The following GIPR variants were observed in gnomAD, a reference collection of about 807,000 sequenced individuals.
The protein encoded by GIPR is GIP-R.
A neutral mutation model predicts 62.2 loss-of-function variants in GIPR; 74 were observed. That is an observed-to-expected ratio of 1.19 (90% CI 0.99 to 1.44). GIPR has a LOEUF of 1.44. GIPR is among the 40% of genes most tolerant of loss of function. The pLI is 0.00. For synonymous variants in GIPR, 256 were observed against 262.2 expected, an observed-to-expected ratio of 0.98 and a Z score of 0.23; for missense variants, 664 against 611.8, an observed-to-expected ratio of 1.09 and a Z score of -0.90.
At chr19:45,671,203 A>G in intron 3 of GIPR, 82 bp from the exon 4 acceptor site, 1 of 822,952 alleles carries the variant, frequency 1.2e-6, no homozygotes, top group Non-Finnish European at 2.1e-6. Flanking sequence ...ACTGCGGAGA[A>G]GCACTTGGCC....
Position 45,683,058 on chromosome 19 carries a change from T to A in GIPR, c.*1123T>A, listed in dbSNP as rs952000947. The A allele has an allele frequency of 6.5e-6, 1 of 152,804 alleles. No individual in the cohort carries two copies. The allele number at this position is 152,804 out of a possible 1,614,324, so 9.5% of individuals were successfully genotyped here. ...TGAGAGGATTTCATGAAGGAGCACA[T>A]GAGGACACAGCAGCAGAGAGGACTC... On this transcript the variant is annotated 3_prime_UTR_variant, in exon 14 of 14. Coordinates refer to ENST00000590918, the MANE Select transcript of GIPR (RefSeq NM_000164.4).
chr19:45,681,585 C>T lies in GIPR; in HGVS notation c.1153-19C>T, dbSNP rs755177751. 6.2e-7 allele frequency: 1 copy of T among 1,612,832 alleles called. No individual in the cohort carries two copies. Among genetic ancestry groups the T allele is most frequent in the South Asian group, 1.1e-5 (1 of 91,058 alleles). On this transcript the variant is annotated intron_variant, in intron 12 of 13. Transcript: ENST00000590918. ...CCTGCCCCCACCAGCGATGTAACCT[C>T]CGCGCCTCCTCTGGGCAGGGCTTCC...
intron 4 of GIPR, among the ~76,000 whole-genome samples, chr19:45,671,748 G>C (rs559917858): frequency 1.8e-4 from 27 of 151,668 alleles, no homozygotes; most frequent in Non-Finnish European, 3.4e-4. Flanking sequence ...TACAGAAGCC[G>C]GGATTACAGG....
chr19:45,670,526 C>T, intron 2 of GIPR, 109 bp from the exon 3 acceptor site: 1 of 724,710 alleles, frequency 1.4e-6, no homozygotes, highest in Non-Finnish European at 2.4e-6. Flanking sequence ...TCCCGAACAA[C>T]ACGCAACAGA....
chr19:45,681,550 CG>C, intron 12 of GIPR, 53 bp from the exon 13 acceptor site: 1 of 1,473,008 alleles, frequency 6.8e-7, no homozygotes, highest in South Asian at 1.1e-5. Flanking sequence ...GGCGCGGAGG[CG>C]GTTACAGTCC....
chr19:45,676,355 G>C (rs918775739), intron 7 of GIPR, among the ~76,000 whole-genome samples: 2 of 151,596 alleles, frequency 1.3e-5, no homozygotes, highest in African/African-American at 4.8e-5. Flanking sequence ...AATGATGGAA[G>C]ATACCAATTA....
Position 45,681,719 on chromosome 19 carries a change from C to G in GIPR, c.1195-10C>G. On this transcript the variant is annotated splice_polypyrimidine_tract_variant and intron_variant, in intron 13 of 13. Transcript: ENST00000590918. ...GTACGGCGCCGCCTCTGAGCGCCAT[C>G]GTCTCACAGGTGCAGTCGGAGATCC... 6.2e-7 allele frequency: 1 copy of G among 1,611,376 alleles called. No homozygotes were observed. Among genetic ancestry groups the G allele is most frequent in the Non-Finnish European group, 8.5e-7 (1 of 1,178,398 alleles).
chr19:45,671,692 C>T (rs1284999969), intron 4 of GIPR, among the ~76,000 whole-genome samples: 1 of 152,172 alleles, frequency 6.6e-6, no homozygotes, highest in African/African-American at 2.4e-5. Flanking sequence ...TTCCGCCTCC[C>T]GGGTTCAAGC....
At chr19:45,680,612 C>T (rs1332202358) in intron 12 of GIPR, among the ~76,000 whole-genome samples, 2 of 151,916 alleles carry the variant, frequency 1.3e-5, no homozygotes, top group Non-Finnish European at 2.9e-5. Flanking sequence ...GGCGTATTGC[C>T]TGAGCTCAGG....
At chr19:45,673,077 A>C in intron 5 of GIPR, 123 bp downstream of exon 5, 1 of 696,018 alleles carries the variant, frequency 1.4e-6, no homozygotes, top group East Asian at 2.7e-5. Flanking sequence ...GAGAAACTCA[A>C]CTCAGACTTG....
Position 45,674,594 on chromosome 19 carries a change from G to C in GIPR, c.489-88G>C, listed in dbSNP as rs145989852. ...TGCATTCTAGCCTGGGTGACAGAGTGAGACCCTGTTTAAAAAAAAAAATAG... is the reference window on the plus strand; with the variant it reads ...TGCATTCTAGCCTGGGTGACAGAGTCAGACCCTGTTTAAAAAAAAAAATAG... On this transcript the variant is annotated intron_variant, in intron 6 of 13. Transcript: ENST00000590918. 2.5e-5 allele frequency: 30 copies of C among 1,195,816 alleles called. No individual in the cohort carries two copies. The Middle Eastern group carries it at 7.8e-4, about 31-fold the overall frequency. The allele number at this position is 1,195,816 out of a possible 1,614,324, so 74.1% of individuals were successfully genotyped here.
At position 45,674,196 on chromosome 19, in the gene GIPR, G is replaced by C. The variant is rs761942269; in HGVS notation, c.488+19G>C. ...TGTTCAGGTGGGACCTTAACCCTGAGTGGTGGCGGCAGAGATGTGAGCTCG... is the reference window on the plus strand; with the variant it reads ...TGTTCAGGTGGGACCTTAACCCTGACTGGTGGCGGCAGAGATGTGAGCTCG... On this transcript the variant is annotated intron_variant, in intron 6 of 13. Coordinates refer to ENST00000590918, the MANE Select transcript of GIPR (RefSeq NM_000164.4). The C allele has an allele frequency of 1.4e-5, 21 of 1,509,438 alleles. No homozygotes were observed. The South Asian group carries it at 1.8e-4, about 13-fold the overall frequency. The allele number at this position is 1,509,438 out of a possible 1,614,324, so 93.5% of individuals were successfully genotyped here.
At chr19:45,671,529 C>T (rs1461525945) in intron 4 of GIPR, 137 bp downstream of exon 4, 1 of 681,516 alleles carries the variant, frequency 1.5e-6, no homozygotes, top group African/African-American at 1.8e-5. Flanking sequence ...TCCTTTCCGG[C>T]AGGCTGGGTT....
At position 45,677,703 on chromosome 19, in the gene GIPR, TC is replaced by T. The variant is rs1482103761; in HGVS notation, c.855-3del. ...TCTATCTCTTAGCTCTACTCCGCCT[TC>T]CCCAGGTGCTGGGAGCGCAACGAAG... On this transcript the variant is annotated splice_region_variant and splice_polypyrimidine_tract_variant and intron_variant, in intron 9 of 13. Transcript: ENST00000590918. The T allele has an allele frequency of 5.0e-6, 8 of 1,609,762 alleles. No homozygotes were observed. In the African/African-American group the frequency reaches 1.1e-4, roughly 22 times the overall value.
Position 45,674,761 on chromosome 19 carries a change from C to A in GIPR, c.568C>A (p.Arg190=). ...FMLRAAAILS[R]DRLLPRPGPY... is the part of the protein sequence containing the mutation. ...GCTGCGAGCTGCGGCCATTCTCAGC[C>A]GAGACCGTCTGCTACCTCGACCTGG... Residue 190 remains arginine (R), a synonymous_variant, in exon 7 of 14, where the codon CGA becomes AGA. Transcript: ENST00000590918. The A allele has an allele frequency of 6.2e-7, 1 of 1,613,902 alleles. No homozygotes were observed. The highest frequency in any genetic ancestry group is 8.5e-7 in the Non-Finnish European group (1 of 1,179,878).
At chr19:45,672,756 CGG>C in intron 4 of GIPR, 93 bp from the exon 5 acceptor site, 1 of 744,376 alleles carries the variant, frequency 1.3e-6, no homozygotes. Context: ...ATCACCACTT[CGG>C]CTCTCTCCCT....
At chr19:45,677,464 G>T in intron 9 of GIPR, 81 bp downstream of exon 9, 1 of 1,053,808 alleles carries the variant, frequency 9.5e-7, no homozygotes, top group South Asian at 1.3e-5. Context: ...GGACATGTGG[G>T]CAGGGTCGGA....
At chr19:45,677,456 A>T (rs1967009020) in intron 9 of GIPR, 73 bp downstream of exon 9, 2 of 1,097,022 alleles carry the variant, frequency 1.8e-6, no homozygotes, top group African/African-American at 1.5e-5. Context: ...GTTGTGATGG[A>T]CATGTGGGCA....
chr19:45,677,057 G>T lies in GIPR; in HGVS notation c.742G>T (p.Val248Leu). Residue 248 changes from valine (V) to leucine (L), a missense_variant, in exon 8 of 14, where the codon GTG becomes TTG. By Grantham distance (32) the Val-to-Leu change is conservative (BLOSUM62 1). Coordinates refer to ENST00000590918, the MANE Select transcript of GIPR (RefSeq NM_000164.4). ...CTACCTGCACAGTCTCCTGGTGCTC[G>T]TGGGAGGCTCCGAGGAGGGCCACTT... ...GVYLHSLLVL[V>L]GGSEEGHFRY... 6.2e-7 allele frequency: 1 copy of T among 1,614,030 alleles called. No homozygotes were observed. The highest frequency in any genetic ancestry group is 1.1e-5 in the South Asian group (1 of 91,088).
Sources: allele counts gnomAD v4.1 joint callset (sites outside exome capture counted in the v4.1 genomes callset), GRCh38; gene constraint gnomAD v4.1.1; transcripts MANE v1.5; gene names NCBI Gene and HGNC (gene_info 2026-07-23, HGNC 2026-07-21).